Variants in C1orf159 observed in about 807,000 individuals in gnomAD.
C1orf159 encodes the protein chromosome 1 open reading frame 159.
A neutral mutation model predicts 25.6 loss-of-function variants in C1orf159; 19 were observed. The observed-to-expected ratio is 0.74, with a 90% CI of 0.52 to 1.09. The LOEUF (loss-of-function observed/expected upper bound fraction) is 1.09, where lower values mean the gene tolerates loss of function less well. C1orf159 is among the 50% of genes least tolerant of loss of function. The pLI is 0.00. For synonymous variants in C1orf159, 139 were observed against 124.7 expected (o/e 1.12, Z -0.77); for missense variants, 274 against 290.6 (o/e 0.94, Z 0.42).
intron 1 of C1orf159, among the ~76,000 whole-genome samples, chr1:1,096,582 G>T (rs1646011944): frequency 6.6e-6 from 1 of 152,228 alleles, no homozygotes; most frequent in Non-Finnish European, 1.5e-5. Flanking sequence ...TTTCTTGGTA[G>T]GTAGGTTCTC....
chr1:1,098,076 A>ATT (rs34457162), intron 1 of C1orf159, among the ~76,000 whole-genome samples: 16 of 147,134 alleles, frequency 1.1e-4, no homozygotes, highest in African/African-American at 4.0e-4. Flanking sequence ...TGAGTTACAA[A>ATT]TTTTTTTTTT....
chr1:1,106,024 A>G (rs1171104083), intron 1 of C1orf159: 3 of 152,240 alleles, frequency 2.0e-5, no homozygotes, highest in African/African-American at 4.8e-5. Context: ...GGTTCTGTGA[A>G]GTACATTTAA....
At chr1:1,090,599 G>A in intron 3 of C1orf159, 171 bp from the exon 4 acceptor site, 1 of 737,912 alleles carries the variant, frequency 1.4e-6, no homozygotes, top group Non-Finnish European at 2.3e-6. Context: ...TGGGAGCAAG[G>A]AGGGGCCTCA....
chr1:1,109,118 AAAGG>A (rs1646223323), intron 1 of C1orf159, among the ~76,000 whole-genome samples: 2 of 91,138 alleles, frequency 2.2e-5, no homozygotes, highest in African/African-American at 1.7e-4. Flanking sequence ...ACCACAGCCA[AAAGG>A]TGGGAGCAAG....
intron 6 of C1orf159, among the ~76,000 whole-genome samples, chr1:1,086,750 G>A (rs973233581): frequency 2.6e-5 from 4 of 152,008 alleles, no homozygotes; most frequent in Non-Finnish European, 2.9e-5. Context: ...GGCCGTGAGC[G>A]TGAACCTGAG....
At chr1:1,092,193 G>A (rs577203666) in intron 1 of C1orf159, 90 bp from the exon 2 acceptor site, 5 of 335,790 alleles carry the variant, frequency 1.5e-5, no homozygotes, top group African/African-American at 2.2e-5. Flanking sequence ...GGTCCGGTCC[G>A]GGCCCTCTGT....
intron 1 of C1orf159, among the ~76,000 whole-genome samples, chr1:1,112,782 A>G (rs1646280504): frequency 6.6e-6 from 1 of 152,258 alleles, no homozygotes; most frequent in African/African-American, 2.4e-5. Flanking sequence ...TAAAACCCCA[A>G]GTCAAAAGGT....
chr1:1,083,077 G>A (rs1645771269), intron 9 of C1orf159, 90 bp from the exon 10 acceptor site: 1 of 1,123,212 alleles, frequency 8.9e-7, no homozygotes, highest in Admixed American at 2.5e-5. Context: ...GCTCTCGGGA[G>A]TGGGCATATG....
chr1:1,097,710 A>C (rs1646029214), intron 1 of C1orf159, among the ~76,000 whole-genome samples: 1 of 150,848 alleles, frequency 6.6e-6, no homozygotes, highest in African/African-American at 2.4e-5. Flanking sequence ...GGCGTGAACC[A>C]CCCACCTCAC....
chr1:1,099,462 T>C (rs1214443558), intron 1 of C1orf159, among the ~76,000 whole-genome samples: 2 of 132,378 alleles, frequency 1.5e-5, no homozygotes, highest in South Asian at 2.4e-4. Flanking sequence ...TGGTCGATTG[T>C]TCTAAGAATT....
Position 1,102,085 on chromosome 1 carries a change from A to C in C1orf159, c.-135-9982T>G, listed in dbSNP as rs1053467469. The stretch of plus-strand genomic sequence containing the variant: ...AAACTCTGTCTCAAAAAAAAAAAAA[A>C]AAAAAAAAAAACAAACTTTTGAAGT... On this transcript the variant is annotated intron_variant, in intron 1 of 9. Transcript: ENST00000421241. 3.3e-5 allele frequency among the ~76,000 whole-genome samples: 5 copies of C among 150,906 alleles called. 1 individual carries two copies. Among genetic ancestry groups the C allele is most frequent in the African/African-American group, 7.3e-5 (3 of 40,940 alleles).
chr1:1,114,769 G>A (rs57323758), intron 1 of C1orf159, among the ~76,000 whole-genome samples: 15,738 of 151,958 alleles, frequency 0.1, 1,889 homozygotes, highest in African/African-American at 0.3. Context: ...CCTACCCTGG[G>A]GCTCAAAACC....
At chr1:1,107,728 G>A (rs958670485) in intron 1 of C1orf159, among the ~76,000 whole-genome samples, 1 of 152,170 alleles carries the variant, frequency 6.6e-6, no homozygotes, top group African/African-American at 2.4e-5. Context: ...GGAGCCAGCA[G>A]CAGCAACCCA....
intron 1 of C1orf159, among the ~76,000 whole-genome samples, chr1:1,114,010 G>A (rs938001315): frequency 5.6e-5 from 8 of 142,012 alleles, no homozygotes; most frequent in African/African-American, 7.8e-5. Flanking sequence ...TCCGCCTCCC[G>A]AGTTCAAGCG....
At chr1:1,083,736 C>G (rs370915583) in intron 9 of C1orf159, 1 of 632,518 alleles carries the variant, frequency 1.6e-6, no homozygotes. Flanking sequence ...GGACGGGGCA[C>G]GTCCAGCCTT....
At chr1:1,086,090 A>G (rs903358501) in intron 6 of C1orf159, 78 bp from the exon 7 acceptor site, 10 of 1,534,282 alleles carry the variant, frequency 6.5e-6, no homozygotes, top group Admixed American at 5.5e-5. Context: ...CCCCCTGCAC[A>G]TGGCAGATGC....
At chr1:1,114,361 TAG>T (rs1646304914) in intron 1 of C1orf159, among the ~76,000 whole-genome samples, 1 of 152,192 alleles carries the variant, frequency 6.6e-6, no homozygotes, top group African/African-American at 2.4e-5. Context: ...TTATTTTTTA[TAG>T]AGACGAGGTC....
At chr1:1,090,463 G>A (rs776275320) in intron 3 of C1orf159, 35 bp from the exon 4 acceptor site, 45 of 1,546,390 alleles carry the variant, frequency 2.9e-5, no homozygotes, top group Admixed American at 3.9e-5. Flanking sequence ...TCCAGGACGC[G>A]CCTGCCAGGC....
At chr1:1,115,586 C>A (rs1646325941) in intron 1 of C1orf159, among the ~76,000 whole-genome samples, 1 of 108,076 alleles carries the variant, frequency 9.3e-6, no homozygotes, top group Admixed American at 8.5e-5. Flanking sequence ...CCCTTCCCTG[C>A]CCCGGGAACC....
Sources: gnomAD v4.1 joint callset for allele counts (sites outside exome capture counted in the v4.1 genomes callset) on GRCh38, gnomAD v4.1.1 for gene constraint, MANE v1.5 for transcripts, NCBI Gene and HGNC (gene_info 2026-07-23, HGNC 2026-07-21) for gene names.